MYT1: variants seen among roughly 807,000 people sequenced by gnomAD.
The protein encoded by MYT1 is myelin transcription factor I.
Under a neutral mutation model 123.0 loss-of-function variants are expected in MYT1, and 23 were observed. The ratio of observed to expected loss-of-function variants is 0.19; its 90% CI spans 0.13 to 0.26. MYT1 has a LOEUF of 0.26. Ranked by LOEUF, MYT1 falls within the 10% of genes least tolerant of loss-of-function variation. The pLI is 1.00. For synonymous variants in MYT1, 518 were observed against 575.3 expected (o/e 0.90, Z 1.43); for missense variants, 1,125 against 1,472.5 (o/e 0.76, Z 3.86).
Position 64,185,254 on chromosome 20 carries a change from G to A in MYT1, c.-98-4809G>A, listed in dbSNP as rs1418270541. The stretch of plus-strand genomic sequence containing the variant: ...TTCATTGACAGTGGGAAGGAGGTGG[G>A]TATAAAGTCCAGATGGACAAGCTGG... On this transcript the variant is annotated intron_variant, in intron 1 of 22. Coordinates refer to ENST00000328439, the MANE Select transcript of MYT1 (RefSeq NM_004535.3). The surrounding 1 kb of genome is among the most constrained non-coding windows in gnomAD (Gnocchi z 4.5). 6.6e-6 allele frequency among the ~76,000 whole-genome samples: 1 copy of A among 152,196 alleles called. No individual in the cohort carries two copies. Among genetic ancestry groups the A allele is most frequent in the Non-Finnish European group, 1.5e-5 (1 of 68,026 alleles).
chr20:64,193,295 A>G lies in MYT1; in HGVS notation c.-1+3135A>G, dbSNP rs995554415. ...TGTGTGCTGAGGTCACCGACTTTCT[A>G]TATCTGTTCTGTGGGCTGAGCTGGC... On this transcript the variant is annotated intron_variant, in intron 2 of 22. Transcript: ENST00000328439. This position sits in a 1 kb window ranked among gnomAD's most constrained non-coding sequence, Gnocchi z 4.0. Among the ~76,000 whole-genome samples, 2 of 152,150 alleles carry G rather than the reference A, an allele frequency of 1.3e-5. No homozygotes were observed. The highest frequency in any genetic ancestry group is 6.5e-5 in the Admixed American group (1 of 15,278).
At chr20:64,178,439 G>A (rs1440511988) in intron 1 of MYT1, among the ~76,000 whole-genome samples, 1 of 151,820 alleles carries the variant, frequency 6.6e-6, no homozygotes, top group East Asian at 1.9e-4. Context: ...AGCACTCCTC[G>A]CCTTTCGTGA....
chr20:64,240,724 A>G lies in MYT1; in HGVS notation c.*276A>G. Reference sequence around the variant, plus strand: ...CTGAAAGAAATCTGAAGAGCAGCTCAAAGTCTCCAGTGGAAGCTCATGGAC... The same window carrying G: ...CTGAAAGAAATCTGAAGAGCAGCTCGAAGTCTCCAGTGGAAGCTCATGGAC... On this transcript the variant is annotated 3_prime_UTR_variant, in exon 23 of 23. Transcript: ENST00000328439. 1 of 363,960 alleles carries G rather than the reference A, an allele frequency of 2.7e-6. No homozygotes were observed. Among genetic ancestry groups the G allele is most frequent in the East Asian group, 4.9e-5 (1 of 20,612 alleles). 22.5% of individuals were successfully genotyped at this position (363,960 alleles called of 1,614,324 possible). A position where few individuals can be genotyped will look rare whatever the true frequency, so the allele number is the denominator to read the frequency against.
intron 3 of MYT1, 111 bp from the exon 4 acceptor site, chr20:64,199,781 A>C: frequency 7.8e-7 from 1 of 1,285,846 alleles, no homozygotes; most frequent in East Asian, 2.3e-5. Flanking sequence ...ATTTGCCTCC[A>C]CTCGTCCTTG....
Position 64,198,907 on chromosome 20 carries a change from G to A in MYT1, c.46G>A (p.Ala16Thr). 6.2e-7 allele frequency: 1 copy of A among 1,614,056 alleles called. No homozygotes were observed. Among genetic ancestry groups the A allele is most frequent in the Non-Finnish European group, 8.5e-7 (1 of 1,179,938 alleles). ...CAAGCGAGCTCGCACCCGATCCAAG[G>A]CCCTGCGAGGTGAGTGCCGCCCTCC... ...EDKRARTRSK[A>T]LRGPPETTAA... Residue 16 changes from alanine (A) to threonine (T), a missense_variant, in exon 3 of 23, where the codon GCC (alanine) becomes ACC (threonine). Coordinates refer to ENST00000328439, the MANE Select transcript of MYT1 (RefSeq NM_004535.3).
chr20:64,198,235 C>T (rs564330576), intron 2 of MYT1, among the ~76,000 whole-genome samples: 9 of 138,600 alleles, frequency 6.5e-5, no homozygotes, highest in Admixed American at 2.4e-4. Flanking sequence ...TGCAGTGAGC[C>T]GAGATCGCGC....
Position 64,233,241 on chromosome 20 carries a change from C to T in MYT1, c.2897+856C>T, listed in dbSNP as rs538905287. 3.8e-3 allele frequency among the ~76,000 whole-genome samples: 108 copies of T among 28,282 alleles called. 2 individuals carry two copies. Among genetic ancestry groups the T allele is most frequent in the Admixed American group, 4.7e-3 (14 of 2,964 alleles). The allele number at this position is 28,282 out of a possible 152,430, so 18.6% of individuals were successfully genotyped here. A position where few individuals can be genotyped will look rare whatever the true frequency, so the allele number is the denominator to read the frequency against. ...CCCCTTTCCTTCTTTCCCCTCCCTT[C>T]CCCTTCCCCTCCCCTCTCCTTCCTT... On this transcript the variant is annotated intron_variant, in intron 19 of 22. Coordinates refer to ENST00000328439, the MANE Select transcript of MYT1 (RefSeq NM_004535.3).
rs557837440 is a variant in MYT1 at position 64,186,717 on chromosome 20, C to A, written c.-98-3346C>A. ...TGGAGCAGCATGACTTCTGGAAGGG[C>A]GTCTTTATGGAACACCTCCACGTTT... On this transcript the variant is annotated intron_variant, in intron 1 of 22. Coordinates refer to ENST00000328439, the MANE Select transcript of MYT1 (RefSeq NM_004535.3). This position sits in a 1 kb window ranked among gnomAD's most constrained non-coding sequence, Gnocchi z 4.3. 1.3e-5 allele frequency among the ~76,000 whole-genome samples: 2 copies of A among 152,262 alleles called. No homozygotes were observed. Among genetic ancestry groups the A allele is most frequent in the Admixed American group, 6.5e-5 (1 of 15,292 alleles).
chr20:64,235,293 G>A (rs1984477293), intron 19 of MYT1, among the ~76,000 whole-genome samples: 1 of 96,236 alleles, frequency 1.0e-5, no homozygotes, highest in Non-Finnish European at 2.0e-5. Context: ...GGCCATGGTG[G>A]GTGACCCCGA....
rs1476508866 is a variant in MYT1, at chr20:64,236,768, C to T, written c.2989+122C>T. On this transcript the variant is annotated intron_variant, in intron 20 of 22. Coordinates refer to ENST00000328439, the MANE Select transcript of MYT1 (RefSeq NM_004535.3). ...ATGAAGCCCCTCCTGGAATGAGTCA[C>T]GGCAGAGGCAGATCCCTTCACCTAA... is the stretch of plus-strand genomic sequence containing the variant. 1.2e-5 allele frequency: 10 copies of T among 802,776 alleles called. No homozygotes were observed. The East Asian group carries it at 1.5e-4, about 12-fold the overall frequency. 49.7% of individuals were successfully genotyped at this position (802,776 alleles called of 1,614,324 possible).
rs757667721 is a variant in MYT1, at chr20:64,207,658, G to C, written c.462G>C (p.Lys154Asn). The C allele has an allele frequency of 2.5e-6, 4 of 1,613,922 alleles. No individual in the cohort carries two copies. Among genetic ancestry groups the C allele is most frequent in the African/African-American group, 1.3e-5 (1 of 74,912 alleles). The change falls in exon 7 of 23, where the codon AAG becomes AAC. Residue 154 changes from lysine to asparagine, a missense_variant. Physicochemically the swap from Lys to Asn is moderately conservative, Grantham distance 94. Coordinates refer to ENST00000328439, the MANE Select transcript of MYT1 (RefSeq NM_004535.3). ...TCGGCAGCGCCACTGCCTCCTCCAA[G>C]GGCAGCTACAGCAGCTACCAGGGAA... ...NPIGSATASS[K>N]GSYSSYQGII...
In MYT1 at chr20:64,207,884, G is replaced by A. The variant is rs146347952; in HGVS notation, c.688G>A (p.Glu230Lys). 6.8e-5 allele frequency: 109 copies of A among 1,613,186 alleles called. No homozygotes were observed. The East Asian group carries it at 1.7e-3, about 24-fold the overall frequency. The change falls in exon 7 of 23, where the codon GAG becomes AAG. Residue 230 changes from glutamate (E) to lysine (K), a missense_variant. Physicochemically the swap from Glu to Lys is moderately conservative, Grantham distance 56. Coordinates refer to ENST00000328439, the MANE Select transcript of MYT1 (RefSeq NM_004535.3). ...CGAGGAGGTCGTCGAAGTCACCACC[G>A]AGCGCTCCCAGGACCTGTGTCCCCA... ...DAEEVVEVTT[E>K]RSQDLCPQSL...
Position 64,205,545 on chromosome 20 carries a change from C to A in MYT1, c.150-8C>A. The A allele has an allele frequency of 6.2e-7, 1 of 1,613,706 alleles. No homozygotes were observed. Among genetic ancestry groups the A allele is most frequent in the Non-Finnish European group, 8.5e-7 (1 of 1,179,872 alleles). ...TGGTCCTCTCCACTGCCTACTCCTC[C>A]CTCCCAGTTTACAGAGCTGCCCCCT... On this transcript the variant is annotated splice_polypyrimidine_tract_variant and splice_region_variant and intron_variant, in intron 5 of 22. Transcript: ENST00000328439.
chr20:64,205,343 C>T (rs191136053), intron 5 of MYT1, among the ~76,000 whole-genome samples: 4 of 140,022 alleles, frequency 2.9e-5, no homozygotes, highest in South Asian at 3.0e-4. Context: ...CATGGAGGTC[C>T]GTGTGGCCAT....
intron 1 of MYT1, among the ~76,000 whole-genome samples, chr20:64,184,989 G>C (rs565889968): frequency 5.3e-5 from 8 of 152,204 alleles, no homozygotes; most frequent in Non-Finnish European, 1.2e-4. Context: ...GGGCCCTCAC[G>C]TGCCCTGTGA....
Position 64,196,370 on chromosome 20 carries a change from G to A in MYT1, c.1-2492G>A, listed in dbSNP as rs1014297013. Among the ~76,000 whole-genome samples the A allele has an allele frequency of 6.6e-5, 10 of 152,330 alleles. No individual in the cohort carries two copies. The highest frequency in any genetic ancestry group is 3.3e-4 in the Admixed American group (5 of 15,308). On this transcript the variant is annotated intron_variant, in intron 2 of 22. Coordinates refer to ENST00000328439, the MANE Select transcript of MYT1 (RefSeq NM_004535.3). This position sits in a 1 kb window ranked among gnomAD's most constrained non-coding sequence, Gnocchi z 4.3. Reference sequence around the variant, plus strand: ...TCTCCATCTACCACATCGTGGTGCCGATCTTGCGGCAGGAGGAGAGCAGAG... The same window carrying A: ...TCTCCATCTACCACATCGTGGTGCCAATCTTGCGGCAGGAGGAGAGCAGAG...
intron 21 of MYT1, among the ~76,000 whole-genome samples, chr20:64,237,884 C>G (rs1984599193): frequency 6.6e-6 from 1 of 152,104 alleles, no homozygotes; most frequent in African/African-American, 2.4e-5. Flanking sequence ...ACCTTTCAGC[C>G]TCTTCCTCAG....
chr20:64,216,840 C>T (rs564954642), intron 10 of MYT1, among the ~76,000 whole-genome samples: 1 of 152,320 alleles, frequency 6.6e-6, no homozygotes, highest in East Asian at 1.9e-4. Context: ...ATTGCTTCCT[C>T]CCTGCAGGCC....
intron 12 of MYT1, among the ~76,000 whole-genome samples, chr20:64,219,272 G>C (rs1489560291): frequency 6.6e-6 from 1 of 152,192 alleles, no homozygotes; most frequent in Non-Finnish European, 1.5e-5. Flanking sequence ...GCGAACACAA[G>C]TTCCCACGTG....
Sources: gnomAD v4.1 joint callset for allele counts (sites outside exome capture counted in the v4.1 genomes callset) on GRCh38, gnomAD v4.1.1 for gene constraint, Gnocchi (gnomAD v3.1) non-coding constraint, MANE v1.5 for transcripts, NCBI Gene and HGNC (gene_info 2026-07-23, HGNC 2026-07-21) for gene names.